SEC23IP: variants seen among roughly 807,000 people sequenced by gnomAD.
SEC23IP encodes the protein SEC23-interacting protein.
SEC23IP carries 70 observed loss-of-function variants against 113.4 expected under a neutral mutation model. That is an observed-to-expected ratio of 0.62 (90% CI 0.51 to 0.75). The LOEUF is 0.75. Among genes scored for constraint, SEC23IP ranks in the 30% least tolerant of loss-of-function variants. The pLI is 0.00. For missense variants in SEC23IP, 1,160 were observed against 1,204.9 expected (o/e 0.96, Z 0.55); for synonymous variants, 398 against 421.0 (o/e 0.95, Z 0.67).
At chr10:119,910,623 A>G (rs892247470) in intron 5 of SEC23IP, among the ~76,000 whole-genome samples, 1 of 152,222 alleles carries the variant, frequency 6.6e-6, no homozygotes, top group African/African-American at 2.4e-5. Context: ...TAAATGAAAA[A>G]TAAAAGCCTC....
rs1272877456 is a variant in SEC23IP, at chr10:119,943,481, A to G, written c.*2916A>G. The G allele has an allele frequency of 6.6e-6, 1 of 152,370 alleles. No individual in the cohort carries two copies. Among genetic ancestry groups the G allele is most frequent in the Admixed American group, 6.5e-5 (1 of 15,284 alleles). 9.4% of individuals were successfully genotyped at this position (152,370 alleles called of 1,614,324 possible). On this transcript the variant is annotated 3_prime_UTR_variant, in exon 19 of 19. Transcript: ENST00000369075. ...GTGGCATGTGCCTGTAGTCCCAGCTACAGGAGGCTGAGGCAGGAGAATTGC... is the reference window on the plus strand; with the variant it reads ...GTGGCATGTGCCTGTAGTCCCAGCTGCAGGAGGCTGAGGCAGGAGAATTGC...
chr10:119,916,882 T>A (rs905131811), intron 8 of SEC23IP, among the ~76,000 whole-genome samples: 1 of 152,134 alleles, frequency 6.6e-6, no homozygotes, highest in Non-Finnish European at 1.5e-5. Flanking sequence ...AACTGAATTG[T>A]TTTTGAGACA....
At chr10:119,899,270 C>T (rs757837526) in intron 2 of SEC23IP, among the ~76,000 whole-genome samples, 1 of 152,122 alleles carries the variant, frequency 6.6e-6, no homozygotes, top group Admixed American at 6.5e-5. Flanking sequence ...AGAATTGAAG[C>T]GGTTATTGTC....
intron 13 of SEC23IP, among the ~76,000 whole-genome samples, chr10:119,929,315 C>T (rs532171587): frequency 6.6e-6 from 1 of 152,158 alleles, no homozygotes; most frequent in African/African-American, 2.4e-5. Context: ...CTCACTGCAA[C>T]CTCCACCTCC....
chr10:119,938,564 G>C (rs571255659), intron 18 of SEC23IP, among the ~76,000 whole-genome samples: 3 of 152,156 alleles, frequency 2.0e-5, no homozygotes, highest in African/African-American at 7.2e-5. Flanking sequence ...CTTAGATTTG[G>C]TGAAATATGG....
chr10:119,917,590 G>T (rs971206906), intron 8 of SEC23IP, among the ~76,000 whole-genome samples: 2 of 152,000 alleles, frequency 1.3e-5, no homozygotes, highest in Non-Finnish European at 2.9e-5. Context: ...TGTTGGCCTG[G>T]TTGGTCTTGA....
intron 2 of SEC23IP, 113 bp from the exon 3 acceptor site, chr10:119,902,686 G>A (rs1854535997): frequency 1.2e-6 from 1 of 845,760 alleles, no homozygotes. Flanking sequence ...ATTACACTAA[G>A]TAATTGTCCA....
At chr10:119,924,865 C>T (rs1305208498) in intron 12 of SEC23IP, among the ~76,000 whole-genome samples, 1 of 152,130 alleles carries the variant, frequency 6.6e-6, no homozygotes, top group African/African-American at 2.4e-5. Context: ...GCAGCCTCCA[C>T]CTCCTGGGTT....
chr10:119,898,477 A>G lies in SEC23IP; in HGVS notation c.214A>G (p.Ile72Val), dbSNP rs201081222. The G allele has an allele frequency of 3.7e-6, 6 of 1,614,110 alleles. No individual in the cohort carries two copies. In the South Asian group the frequency reaches 4.4e-5, roughly 12 times the overall value. The change falls in exon 2 of 19, where the codon ATT becomes GTT. Residue 72 changes from isoleucine to valine, a missense_variant. Physicochemically the swap from Ile to Val is conservative, Grantham distance 29. Transcript: ENST00000369075. Reference protein sequence around the residue: ...EEDSFLGQTSIHTSAPQTFSY... With the variant: ...EEDSFLGQTSVHTSAPQTFSY... ...GGACAGCTTCCTTGGTCAGACTTCTATTCACACATCTGCCCCACAGACATT... is the reference window on the plus strand; with the variant it reads ...GGACAGCTTCCTTGGTCAGACTTCTGTTCACACATCTGCCCCACAGACATT...
At chr10:119,905,118 G>A (rs747422626) in intron 4 of SEC23IP, among the ~76,000 whole-genome samples, 49 of 151,420 alleles carry the variant, frequency 3.2e-4, no homozygotes, top group Admixed American at 5.3e-4. Flanking sequence ...TGGGCAATGG[G>A]AATGAGACCC....
chr10:119,898,274 G>C (rs1396614512), intron 1 of SEC23IP, 153 bp from the exon 2 acceptor site: 1 of 1,270,380 alleles, frequency 7.9e-7, no homozygotes, highest in African/African-American at 1.8e-5. Context: ...AGTTTTCAAA[G>C]AAAAAAAGAA....
chr10:119,932,934 A>G, intron 16 of SEC23IP, 71 bp from the exon 17 acceptor site: 3 of 1,397,710 alleles, frequency 2.1e-6, no homozygotes, highest in East Asian at 2.4e-5. Context: ...CATTGAGCCC[A>G]GAAAGTCAGC....
At chr10:119,938,734 T>C (rs1015465126) in intron 18 of SEC23IP, among the ~76,000 whole-genome samples, 2 of 152,170 alleles carry the variant, frequency 1.3e-5, no homozygotes, top group Non-Finnish European at 2.9e-5. Flanking sequence ...ACCAAAAGAA[T>C]AGTAATTCTA....
At chr10:119,914,577 ATTTGATAGGGGTAATGAGGCTTATTCTC>A in intron 6 of SEC23IP, 125 bp from the exon 7 acceptor site, 2 of 630,252 alleles carry the variant, frequency 3.2e-6, no homozygotes, top group Non-Finnish European at 5.6e-6. Context: ...TGTTCCTCTA[ATTTGATAGGGGTAATGAGGCTTATTCTC>A]TTTGAAGGGT....
chr10:119,893,956 A>G (rs1223390535), intron 1 of SEC23IP, among the ~76,000 whole-genome samples: 1 of 152,138 alleles, frequency 6.6e-6, no homozygotes, highest in African/African-American at 2.4e-5. Context: ...ATGATTATGT[A>G]GCATTGCCCA....
chr10:119,937,529 G>A (rs1855834129), intron 18 of SEC23IP, among the ~76,000 whole-genome samples: 1 of 151,862 alleles, frequency 6.6e-6, no homozygotes, highest in African/African-American at 2.4e-5. Flanking sequence ...GGGATGCTGA[G>A]GCAGGAGAAT....
chr10:119,913,849 A>G (rs947921431), intron 6 of SEC23IP, among the ~76,000 whole-genome samples: 1 of 151,592 alleles, frequency 6.6e-6, no homozygotes, highest in Non-Finnish European at 1.5e-5. Context: ...TTCGTCAAAA[A>G]CTTTATTTAT....
chr10:119,932,329 C>T lies in SEC23IP; in HGVS notation c.2758+11C>T, dbSNP rs1435232698. 4 of 1,588,870 alleles carry T rather than the reference C, an allele frequency of 2.5e-6. No homozygotes were observed. Among genetic ancestry groups the T allele is most frequent in the Admixed American group, 1.7e-5 (1 of 59,110 alleles). Reference sequence around the variant, plus strand: ...AGCAAGTAGTTGAAGGTAAATTTGACATTTGAGGCATTTTCTAATACAAAT... The same window carrying T: ...AGCAAGTAGTTGAAGGTAAATTTGATATTTGAGGCATTTTCTAATACAAAT... On this transcript the variant is annotated intron_variant, in intron 16 of 18. Coordinates refer to ENST00000369075, the MANE Select transcript of SEC23IP (RefSeq NM_007190.4).
chr10:119,900,051 G>A (rs891555477), intron 2 of SEC23IP, among the ~76,000 whole-genome samples: 2 of 144,212 alleles, frequency 1.4e-5, no homozygotes, highest in South Asian at 2.2e-4. Context: ...TCCCCTCATC[G>A]TTTTTTTCTC....
Sources: gnomAD v4.1 joint callset for allele counts (sites outside exome capture counted in the v4.1 genomes callset) on GRCh38, gnomAD v4.1.1 for gene constraint, MANE v1.5 for transcripts, NCBI Gene and HGNC (gene_info 2026-07-23, HGNC 2026-07-21) for gene names.